ZCCHC24: variants seen among roughly 807,000 people sequenced by gnomAD.
ZCCHC24 encodes zinc finger CCHC domain-containing protein 24.
Under a neutral mutation model 26.2 loss-of-function variants are expected in ZCCHC24, and 10 were observed. That is an observed-to-expected ratio of 0.38 (90% CI 0.24 to 0.65). The LOEUF is 0.65. Among genes scored for constraint, ZCCHC24 ranks in the 30% least tolerant of loss-of-function variants. The probability of loss-of-function intolerance (pLI) is 0.54; values close to 1 mark genes in which losing one functional copy is unlikely to be tolerated. For missense variants in ZCCHC24, 243 were observed against 329.1 expected (o/e 0.74, Z 2.03); for synonymous variants, 144 against 147.1 (o/e 0.98, Z 0.15).
At chr10:79,403,368 C>T in intron 2 of ZCCHC24, 1 of 985,184 alleles carries the variant, frequency 1.0e-6, no homozygotes, top group Non-Finnish European at 1.2e-6. Context: ...CTTTTCCTTC[C>T]CCTCTGTGCT....
At chr10:79,394,904 A>G (rs1856525135) in intron 2 of ZCCHC24, among the ~76,000 whole-genome samples, 1 of 152,168 alleles carries the variant, frequency 6.6e-6, no homozygotes, top group Non-Finnish European at 1.5e-5. Flanking sequence ...CAGCTCCCCT[A>G]CTAGGAGGCA....
intron 2 of ZCCHC24, among the ~76,000 whole-genome samples, chr10:79,396,997 T>C (rs1283468468): frequency 6.6e-6 from 1 of 152,244 alleles, no homozygotes; most frequent in African/African-American, 2.4e-5. Flanking sequence ...TATTTATTAA[T>C]GTAGAACAAA....
chr10:79,410,636 A>T (rs1207193151), intron 2 of ZCCHC24, among the ~76,000 whole-genome samples: 1 of 152,176 alleles, frequency 6.6e-6, no homozygotes, highest in Non-Finnish European at 1.5e-5. Context: ...TTAGAGTTAA[A>T]TATCAGCCCA....
chr10:79,416,040 C>T (rs898286950), intron 2 of ZCCHC24, among the ~76,000 whole-genome samples: 1 of 152,222 alleles, frequency 6.6e-6, no homozygotes, highest in African/African-American at 2.4e-5. Flanking sequence ...TTTTGATAAG[C>T]TCCAGGTACT....
intron 2 of ZCCHC24, among the ~76,000 whole-genome samples, chr10:79,407,529 G>A (rs1476879519): frequency 6.6e-6 from 1 of 152,212 alleles, no homozygotes; most frequent in African/African-American, 2.4e-5. Context: ...TAGGTCTGGG[G>A]AGGGCCTGAG....
intron 2 of ZCCHC24, among the ~76,000 whole-genome samples, chr10:79,419,864 A>T (rs1856914446): frequency 6.6e-6 from 1 of 152,076 alleles, no homozygotes; most frequent in South Asian, 2.1e-4. Flanking sequence ...TCAGAAGCAG[A>T]GGGCTGGGAA....
chr10:79,436,567 T>C (rs912517204), intron 1 of ZCCHC24, among the ~76,000 whole-genome samples: 2 of 152,206 alleles, frequency 1.3e-5, no homozygotes, highest in African/African-American at 4.8e-5. Context: ...AGTCGCTCTC[T>C]AATCTCTCCC....
chr10:79,410,053 C>T (rs1856770189), intron 2 of ZCCHC24, among the ~76,000 whole-genome samples: 1 of 152,250 alleles, frequency 6.6e-6, no homozygotes, highest in Non-Finnish European at 1.5e-5. Context: ...GGCCCTCTTG[C>T]TCTTCCTCAA....
intron 1 of ZCCHC24, among the ~76,000 whole-genome samples, chr10:79,439,792 C>CAAAAAAA (rs3997794): frequency 1.7e-5 from 2 of 116,172 alleles, no homozygotes; most frequent in African/African-American, 3.2e-5. Context: ...CAGACTCCAT[C>CAAAAAAA]AAAAAAAAAA....
intron 3 of ZCCHC24, among the ~76,000 whole-genome samples, chr10:79,393,047 A>C (rs1269422083): frequency 6.6e-6 from 1 of 151,974 alleles, no homozygotes; most frequent in African/African-American, 2.4e-5. Context: ...CCTTCTCCTT[A>C]CTGGGTCTTC....
rs74360890 is a variant in ZCCHC24, at chr10:79,426,159, G to A, written c.447+6399C>T. On this transcript the variant is annotated intron_variant, in intron 2 of 3. Coordinates refer to ENST00000372336, the MANE Select transcript of ZCCHC24 (RefSeq NM_153367.4). Reference sequence around the variant, plus strand: ...CACCTCTATCCTACTCTTAAGGTGAGAAAGGACCAAGTAATAAGTGACCAA... The same window carrying A: ...CACCTCTATCCTACTCTTAAGGTGAAAAAGGACCAAGTAATAAGTGACCAA... Among the ~76,000 whole-genome samples the A allele has an allele frequency of 7.2e-3, 1,099 of 152,286 alleles. 10 individuals are homozygous for A. Among genetic ancestry groups the A allele is most frequent in the Non-Finnish European group, 0.011 (739 of 68,036 alleles).
chr10:79,435,475 C>T (rs866186800), intron 1 of ZCCHC24, among the ~76,000 whole-genome samples: 43 of 152,308 alleles, frequency 2.8e-4, no homozygotes, highest in Middle Eastern at 3.4e-3. Flanking sequence ...TCTGGAGGGC[C>T]GCAGCCTTGC....
chr10:79,428,507 T>C (rs1857077928), intron 2 of ZCCHC24, among the ~76,000 whole-genome samples: 1 of 124,986 alleles, frequency 8.0e-6, no homozygotes, highest in Non-Finnish European at 1.7e-5. Context: ...GCTCTGTGGC[T>C]GGAAGGTGGT....
At chr10:79,411,587 A>T (rs1330992322) in intron 2 of ZCCHC24, among the ~76,000 whole-genome samples, 1 of 152,202 alleles carries the variant, frequency 6.6e-6, no homozygotes, top group Non-Finnish European at 1.5e-5. Flanking sequence ...TGTGCCCAGT[A>T]TATGCACAGA....
intron 3 of ZCCHC24, 48 bp from the exon 4 acceptor site, chr10:79,386,506 G>A (rs549467287): frequency 3.4e-6 from 5 of 1,456,030 alleles, no homozygotes; most frequent in Non-Finnish European, 4.7e-6. Context: ...GGGAGAGAAA[G>A]ACAGAAACAC....
intron 2 of ZCCHC24, among the ~76,000 whole-genome samples, chr10:79,424,924 T>C (rs564235195): frequency 6.6e-6 from 1 of 152,226 alleles, no homozygotes; most frequent in African/African-American, 2.4e-5. Flanking sequence ...ACAGTAAACC[T>C]CACCACAGCC....
intron 2 of ZCCHC24, among the ~76,000 whole-genome samples, chr10:79,395,754 T>C (rs1209967031): frequency 6.6e-6 from 1 of 152,244 alleles, no homozygotes; most frequent in Non-Finnish European, 1.5e-5. Context: ...AATAGCCTAA[T>C]ATTTTTCTTG....
rs765713185 is a variant in ZCCHC24 at position 79,386,503 on chromosome 10, A to C, written c.613-45T>G. 4.1e-6 allele frequency: 6 copies of C among 1,473,480 alleles called. No individual in the cohort carries two copies. In the Admixed American group the frequency reaches 1.2e-4, roughly 29 times the overall value. The allele number at this position is 1,473,480 out of a possible 1,614,324, so 91.3% of individuals were successfully genotyped here. A position where few individuals can be genotyped will look rare whatever the true frequency, so the allele number is the denominator to read the frequency against. ...GGGGCCCAGGGGAGTGAGGGGAGAG[A>C]AAGACAGAAACACAGAGACAGACAG... On this transcript the variant is annotated intron_variant, in intron 3 of 3. Transcript: ENST00000372336.
In ZCCHC24 at chr10:79,391,005, G is replaced by C. The variant is rs1856473032; in HGVS notation, c.612+3271C>G. Among the ~76,000 whole-genome samples, 7 of 152,322 alleles carry C rather than the reference G, an allele frequency of 4.6e-5. No individual in the cohort carries two copies. The South Asian group carries it at 1.4e-3, about 32-fold the overall frequency. ...CCACTCTCATACCCCCTCCCAGCTT[G>C]GGAGCTCAGGAGAGGAGATAGAGCC... On this transcript the variant is annotated intron_variant, in intron 3 of 3. Transcript: ENST00000372336.
Sources: gnomAD v4.1 joint callset for allele counts (sites outside exome capture counted in the v4.1 genomes callset) on GRCh38, gnomAD v4.1.1 for gene constraint, MANE v1.5 for transcripts, NCBI Gene and HGNC (gene_info 2026-07-23, HGNC 2026-07-21) for gene names.